The following ZNF516 variants were observed in gnomAD, a reference collection of about 807,000 sequenced individuals.
The protein encoded by ZNF516 is zinc finger protein 516.
A neutral mutation model predicts 79.7 loss-of-function variants in ZNF516; 19 were observed. The ratio of observed to expected loss-of-function variants is 0.24; its 90% CI spans 0.17 to 0.35. The LOEUF is 0.35. Ranked by LOEUF, ZNF516 falls within the 10% of genes least tolerant of loss-of-function variation. The pLI, the probability that ZNF516 is intolerant of heterozygous loss-of-function variation, is 1.00. For synonymous variants in ZNF516, 877 were observed against 739.5 expected, an observed-to-expected ratio of 1.19 and a Z score of -3.02; for missense variants, 1,678 against 1,679.5, an observed-to-expected ratio of 1.00 and a Z score of 0.02.
chr18:76,413,819 C>T (rs1259159752), intron 3 of ZNF516, among the ~76,000 whole-genome samples: 3 of 152,262 alleles, frequency 2.0e-5, no homozygotes, highest in South Asian at 2.1e-4. Flanking sequence ...AAAATCTTCA[C>T]GAAACCTCAT....
rs547922947 is a variant in ZNF516 at position 76,477,258 on chromosome 18, G to C, written c.-271-14117C>G. The stretch of plus-strand genomic sequence containing the variant: ...AAGTCAGACAGGAAACAGAATTCTA[G>C]TTTGTTTCAATATCATCTGACCTAT... On this transcript the variant is annotated intron_variant, in intron 1 of 6. Transcript: ENST00000443185. 7.9e-5 allele frequency among the ~76,000 whole-genome samples: 12 copies of C among 152,276 alleles called. No individual in the cohort carries two copies. In the South Asian group the frequency reaches 1.9e-3, roughly 24 times the overall value.
At chr18:76,469,719 G>C (rs1478164266) in intron 1 of ZNF516, among the ~76,000 whole-genome samples, 2 of 152,104 alleles carry the variant, frequency 1.3e-5, no homozygotes, top group Admixed American at 6.5e-5. Flanking sequence ...AATCTGAAAG[G>C]TTAAACCACT....
intron 2 of ZNF516, among the ~76,000 whole-genome samples, chr18:76,462,586 G>C (rs141760458): frequency 6.6e-6 from 1 of 152,224 alleles, no homozygotes; most frequent in East Asian, 1.9e-4. Flanking sequence ...CAGAAGAGAA[G>C]AGAGCTGTCT....
chr18:76,444,467 A>G (rs1393327899), intron 2 of ZNF516, among the ~76,000 whole-genome samples: 1 of 152,198 alleles, frequency 6.6e-6, no homozygotes, highest in Non-Finnish European at 1.5e-5. Context: ...ACACACACTA[A>G]GAACTCCTGC....
intron 3 of ZNF516, 126 bp downstream of exon 3, chr18:76,441,115 CCTAG>C (rs1219736134): frequency 1.5e-6 from 2 of 1,338,592 alleles, no homozygotes; most frequent in Admixed American, 2.8e-5. Context: ...TGAGCATAGG[CCTAG>C]CTGAGTAAAG....
chr18:76,484,466 A>C (rs1422806688), intron 1 of ZNF516, among the ~76,000 whole-genome samples: 3 of 152,176 alleles, frequency 2.0e-5, no homozygotes, highest in Non-Finnish European at 2.9e-5. Flanking sequence ...ACTCCTAACG[A>C]TATAACACCG....
rs925235402 is a variant in ZNF516 at position 76,384,610 on chromosome 18, C to A, written c.1811-4307G>T. ...CTCTCCACAGCTCCCATCCCCCACC[C>A]CCCCTACAGTTGGGACCTGGCGTAG... On this transcript the variant is annotated intron_variant, in intron 3 of 6. Transcript: ENST00000443185. 2.0e-5 allele frequency among the ~76,000 whole-genome samples: 3 copies of A among 149,424 alleles called. No homozygotes were observed. In the South Asian group the frequency reaches 6.6e-4, roughly 33 times the overall value.
At chr18:76,468,198 G>A (rs531514647) in intron 1 of ZNF516, among the ~76,000 whole-genome samples, 2 of 152,298 alleles carry the variant, frequency 1.3e-5, no homozygotes, top group East Asian at 3.9e-4. Context: ...TCTGAAATTA[G>A]AGATATCAAA....
At chr18:76,488,047 C>T (rs886508949) in intron 1 of ZNF516, 8 of 985,250 alleles carry the variant, frequency 8.1e-6, no homozygotes, top group Non-Finnish European at 8.4e-6. Context: ...GAGGCTTGTC[C>T]ACAGCCCCCA....
At chr18:76,473,907 G>GC (rs1914021998) in intron 1 of ZNF516, among the ~76,000 whole-genome samples, 2 of 91,234 alleles carry the variant, frequency 2.2e-5, no homozygotes, top group Non-Finnish European at 5.2e-5. Context: ...TTTGTGTGGG[G>GC]GGGGGGGGGG....
At chr18:76,484,684 C>CA (rs1914728441) in intron 1 of ZNF516, among the ~76,000 whole-genome samples, 3 of 152,140 alleles carry the variant, frequency 2.0e-5, no homozygotes, top group Admixed American at 2.0e-4. Context: ...CACAGCTAAG[C>CA]AAAAAACCTG....
intron 5 of ZNF516, among the ~76,000 whole-genome samples, 171 bp downstream of exon 5, chr18:76,371,296 T>C (rs2074699202): frequency 6.6e-6 from 1 of 152,074 alleles, no homozygotes; most frequent in South Asian, 2.1e-4. Flanking sequence ...CCATTTCAGG[T>C]GTGGAGTGGG....
In ZNF516 at chr18:76,459,859, G is replaced by C. The variant is rs1568311661; in HGVS notation, c.-158+3169C>G. The stretch of plus-strand genomic sequence containing the variant: ...ACAGGCGATCCGGCAGGCACAAGAA[G>C]GAACATACTGATGATAAGGAAACGC... On this transcript the variant is annotated intron_variant, in intron 2 of 6. Coordinates refer to ENST00000443185, the MANE Select transcript of ZNF516 (RefSeq NM_014643.4). This position sits in a 1 kb window ranked among gnomAD's most constrained non-coding sequence, Gnocchi z 5.0. 6.6e-6 allele frequency among the ~76,000 whole-genome samples: 1 copy of C among 152,186 alleles called. No homozygotes were observed. The highest frequency in any genetic ancestry group is 2.4e-5 in the African/African-American group (1 of 41,458).
At chr18:76,435,963 G>A (rs779415823) in intron 3 of ZNF516, among the ~76,000 whole-genome samples, 2 of 152,264 alleles carry the variant, frequency 1.3e-5, no homozygotes, top group Non-Finnish European at 1.5e-5. Flanking sequence ...GCCACATGGC[G>A]GACAGTAGCT....
chr18:76,381,565 C>T (rs2074892959), intron 3 of ZNF516, among the ~76,000 whole-genome samples: 2 of 152,174 alleles, frequency 1.3e-5, no homozygotes, highest in Admixed American at 1.3e-4. Context: ...TTAGGAATCC[C>T]AACAAACTGG....
intron 3 of ZNF516, among the ~76,000 whole-genome samples, chr18:76,424,073 C>G (rs2554839): frequency 0.36 from 22,462 of 62,502 alleles, 2,015 homozygotes; most frequent in South Asian, 0.42. Context: ...AAAAGGCTCC[C>G]TCCTGAAACA....
Position 76,362,429 on chromosome 18 carries a change from C to T in ZNF516, c.*69G>A, listed in dbSNP as rs1599122431. 3.3e-6 allele frequency: 5 copies of T among 1,511,968 alleles called. No homozygotes were observed. Among genetic ancestry groups the T allele is most frequent in the Non-Finnish European group, 4.6e-6 (5 of 1,098,630 alleles). 93.7% of individuals were successfully genotyped at this position (1,511,968 alleles called of 1,614,324 possible). A position where few individuals can be genotyped will look rare whatever the true frequency, so the allele number is the denominator to read the frequency against. On this transcript the variant is annotated 3_prime_UTR_variant, in exon 7 of 7. Transcript: ENST00000443185. ...GAGCGGCCAGGTCACAGGTGGGAGGCTGCTGGGACATCGTGAGGGTACTGC... is the reference window on the plus strand; with the variant it reads ...GAGCGGCCAGGTCACAGGTGGGAGGTTGCTGGGACATCGTGAGGGTACTGC...
chr18:76,478,485 T>C (rs1914304424), intron 1 of ZNF516, among the ~76,000 whole-genome samples: 1 of 152,220 alleles, frequency 6.6e-6, no homozygotes, highest in African/African-American at 2.4e-5. Flanking sequence ...TCTACCTAAA[T>C]GAATTATATC....
At position 76,380,177 on chromosome 18, in the gene ZNF516, A is replaced by C; in HGVS notation, c.1937T>G (p.Ile646Ser). ...TTCAAGTATGGACACAGAAGCTGCGATCCCTGCCTTGGACTCGCCGGTGTC... is the reference window on the plus strand; with the variant it reads ...TTCAAGTATGGACACAGAAGCTGCGCTCCCTGCCTTGGACTCGCCGGTGTC... Reference protein sequence around the residue: ...ERDTGESKAGIAASVSILENS... With the variant: ...ERDTGESKAGSAASVSILENS... The change falls in exon 4 of 7, where the codon ATC becomes AGC. Residue 646 changes from isoleucine (I) to serine (S), a missense_variant. Physicochemically the swap from Ile to Ser is moderately radical, Grantham distance 142. Around this residue, in one of 5 missense-constraint regions of ZNF516, gnomAD observed 1,294 missense variants for 1,248.3 expected, o/e 1.04. Coordinates refer to ENST00000443185, the MANE Select transcript of ZNF516 (RefSeq NM_014643.4). 1 of 1,613,960 alleles carries C rather than the reference A, an allele frequency of 6.2e-7. No homozygotes were observed. The highest frequency in any genetic ancestry group is 1.6e-4 in the Middle Eastern group (1 of 6,062).
Sources: gnomAD v4.1 joint callset for allele counts (sites outside exome capture counted in the v4.1 genomes callset) on GRCh38, gnomAD v4.1.1 for gene constraint, gnomAD v4.1.1 regional missense constraint, Gnocchi (gnomAD v3.1) non-coding constraint, MANE v1.5 for transcripts, NCBI Gene and HGNC (gene_info 2026-07-23, HGNC 2026-07-21) for gene names.